The following XKR5 variants were observed in gnomAD, a reference collection of about 807,000 sequenced individuals.
The protein encoded by XKR5 is XK-related protein 5.
A neutral mutation model predicts 40.8 loss-of-function variants in XKR5; 46 were observed. That is an observed-to-expected ratio of 1.13 (90% CI 0.89 to 1.44). The LOEUF (loss-of-function observed/expected upper bound fraction) is 1.44, where lower values mean the gene tolerates loss of function less well. XKR5 is among the 40% of genes most tolerant of loss of function. The pLI is 0.00. For missense variants in XKR5, 1,169 were observed against 844.7 expected (o/e 1.38, Z -4.76); for synonymous variants, 466 against 356.1 (o/e 1.31, Z -3.48).
chr8:6,823,521 C>T lies in XKR5; in HGVS notation c.637G>A (p.Gly213Ser). ...TGACCAGATCATTAGCTCAGCTCACCTGCAACCACAAAAACCCAAAAGTGG... is the reference window on the plus strand; with the variant it reads ...TGACCAGATCATTAGCTCAGCTCACTTGCAACCACAAAAACCCAAAAGTGG... ...AYHFWVFVVA[G>S]AHWLVMTFWL... Residue 213 changes from glycine (G) to serine (S), a missense_variant and splice_region_variant, in exon 4 of 7, where the codon GGT (glycine) becomes AGT (serine). Physicochemically the swap from Gly to Ser is moderately conservative, Grantham distance 56. Transcript: ENST00000618742. The T allele has an allele frequency of 6.3e-7, 1 of 1,581,998 alleles. No individual in the cohort carries two copies. Among genetic ancestry groups the T allele is most frequent in the Non-Finnish European group, 8.6e-7 (1 of 1,163,706 alleles).
chr8:6,814,975 G>T (rs944611179), intron 6 of XKR5, among the ~76,000 whole-genome samples: 3 of 152,250 alleles, frequency 2.0e-5, no homozygotes, highest in African/African-American at 7.2e-5. Context: ...CCTCTTCAGG[G>T]TGTGGGTGAC....
intron 5 of XKR5, among the ~76,000 whole-genome samples, chr8:6,819,087 G>T (rs1587169764): frequency 6.6e-6 from 1 of 152,246 alleles, no homozygotes; most frequent in Non-Finnish European, 1.5e-5. Flanking sequence ...CTTCTTGAAG[G>T]GATGTGGGGG....
rs551602035 is a variant in XKR5 at position 6,829,995 on chromosome 8, G to A, written c.242+2722C>T. Among the ~76,000 whole-genome samples, 22 of 151,800 alleles carry A rather than the reference G, an allele frequency of 1.4e-4. No homozygotes were observed. The East Asian group carries it at 3.5e-3, about 24-fold the overall frequency. On this transcript the variant is annotated intron_variant, in intron 2 of 6. Transcript: ENST00000618742. The stretch of plus-strand genomic sequence containing the variant: ...TGGGACTACAGGCGCCCGCCACCAC[G>A]CCCGGCTAATTTTTTGTATTTTTAG...
chr8:6,832,420 A>G (rs1804811821), intron 2 of XKR5, among the ~76,000 whole-genome samples: 1 of 152,212 alleles, frequency 6.6e-6, no homozygotes, highest in Non-Finnish European at 1.5e-5. Context: ...TATGGAACTA[A>G]CGGCTCAACC....
rs560739488 is a variant in XKR5, at chr8:6,830,694, A to G, written c.242+2023T>C. 2.2e-4 allele frequency among the ~76,000 whole-genome samples: 34 copies of G among 152,344 alleles called. 1 individual carries two copies. The South Asian group carries it at 6.2e-3, about 28-fold the overall frequency. On this transcript the variant is annotated intron_variant, in intron 2 of 6. Coordinates refer to ENST00000618742, the MANE Select transcript of XKR5 (RefSeq NM_207411.5). ...TCTTAACTTCTTTTTCAAAACAAGA[A>G]TAAATATATATGACTAATGGTTTTT... is the stretch of plus-strand genomic sequence containing the variant.
intron 3 of XKR5, among the ~76,000 whole-genome samples, chr8:6,824,777 C>A (rs1458760647): frequency 6.6e-6 from 1 of 152,182 alleles, no homozygotes; most frequent in Non-Finnish European, 1.5e-5. Context: ...CCCACCTCAG[C>A]TTCCCAAAGT....
intron 5 of XKR5, among the ~76,000 whole-genome samples, chr8:6,819,285 C>T (rs899073118): frequency 3.9e-5 from 6 of 152,168 alleles, no homozygotes; most frequent in African/African-American, 7.2e-5. Flanking sequence ...GCTGGGGCTG[C>T]GTGGGTCCCG....
In XKR5 at chr8:6,812,216, G is replaced by T. The variant is rs989105301; in HGVS notation, c.1043C>A (p.Pro348His). ...GGDKTERRDS[P>H]RATDLAGKRT... ...CTTCCCAGCTAGATCTGTGGCCCGG[G>T]GAGAATCTCTTCTCTCTGTTTTATC... Residue 348 changes from proline to histidine, a missense_variant, in exon 7 of 7, where the codon CCC (proline) becomes CAC (histidine). By Grantham distance (77) the Pro-to-His change is moderately conservative. Transcript: ENST00000618742. 6.4e-6 allele frequency: 10 copies of T among 1,551,758 alleles called. No individual in the cohort carries two copies. The African/African-American group carries it at 1.4e-4, about 21-fold the overall frequency.
chr8:6,831,871 C>T (rs1170978385), intron 2 of XKR5, among the ~76,000 whole-genome samples: 1 of 151,928 alleles, frequency 6.6e-6, no homozygotes, highest in African/African-American at 2.4e-5. Flanking sequence ...AAAAATTAGC[C>T]GGGCATGGTG....
At chr8:6,821,171 T>C (rs1804210674) in intron 5 of XKR5, among the ~76,000 whole-genome samples, 2 of 152,170 alleles carry the variant, frequency 1.3e-5, no homozygotes, top group South Asian at 4.1e-4. Flanking sequence ...GCAAGTTTTT[T>C]CTGACTCTAA....
At chr8:6,814,795 T>C (rs550897755) in intron 6 of XKR5, among the ~76,000 whole-genome samples, 3 of 152,270 alleles carry the variant, frequency 2.0e-5, no homozygotes, top group African/African-American at 7.2e-5. Context: ...CTCAAATGCT[T>C]GTTACGAAGC....
intron 6 of XKR5, among the ~76,000 whole-genome samples, chr8:6,812,847 C>G (rs946997405): frequency 2.0e-5 from 3 of 152,210 alleles, no homozygotes; most frequent in Non-Finnish European, 4.4e-5. Context: ...TCAGATTCAT[C>G]AAAAACCCCA....
Position 6,810,821 on chromosome 8 carries a change from C to CTAAT in XKR5, c.*373_*376dup, listed in dbSNP as rs1215219698. 4 of 171,178 alleles carry CTAAT rather than the reference C, an allele frequency of 2.3e-5. No homozygotes were observed. The South Asian group carries it at 6.9e-4, about 29-fold the overall frequency. 10.6% of individuals were successfully genotyped at this position (171,178 alleles called of 1,614,324 possible). A position where few individuals can be genotyped will look rare whatever the true frequency, so the allele number is the denominator to read the frequency against. On this transcript the variant is annotated 3_prime_UTR_variant, in exon 7 of 7. Transcript: ENST00000618742. Reference sequence around the variant, plus strand: ...CATAACCGCTAAATGTGAGGCAAAGCTAATTGTAACAAGAACCTCAAATAA... The same window carrying CTAAT: ...CATAACCGCTAAATGTGAGGCAAAGCTAATTAATTGTAACAAGAACCTCAAATAA...
rs922340556 is a variant in XKR5 at position 6,830,039 on chromosome 8, G to A, written c.242+2678C>T. 4.0e-5 allele frequency among the ~76,000 whole-genome samples: 6 copies of A among 151,774 alleles called. No homozygotes were observed. In the East Asian group the frequency reaches 7.8e-4, roughly 20 times the overall value. On this transcript the variant is annotated intron_variant, in intron 2 of 6. Transcript: ENST00000618742. ...TTTTTAGTAGAGACGGGGTTTCACC[G>A]TGTTAGCCAGGATGGTCTGGATCTC...
rs546016791 is a variant in XKR5, at chr8:6,834,662, A to G, written c.58+774T>C. Among the ~76,000 whole-genome samples, 9 of 151,982 alleles carry G rather than the reference A, an allele frequency of 5.9e-5. No homozygotes were observed. In the South Asian group the frequency reaches 1.9e-3, roughly 31 times the overall value. On this transcript the variant is annotated intron_variant, in intron 1 of 6. Transcript: ENST00000618742. ...GGAAAAGTCCCAAGGCGGCGTTCCC[A>G]GGGTACCCCCTCTTCCACCCCAGGG...
intron 5 of XKR5, 115 bp from the exon 6 acceptor site, chr8:6,816,033 G>C: frequency 2.8e-6 from 2 of 725,132 alleles, no homozygotes; most frequent in South Asian, 3.5e-5. Flanking sequence ...GCCCACTGGA[G>C]ACTCCAGGCT....
chr8:6,815,446 T>TA (rs931277358), intron 6 of XKR5, among the ~76,000 whole-genome samples: 55 of 152,228 alleles, frequency 3.6e-4, no homozygotes, highest in Middle Eastern at 6.8e-3. Flanking sequence ...GGTGCTTGTC[T>TA]ATGGGCTGCA....
At position 6,815,838 on chromosome 8, in the gene XKR5, G is replaced by A; in HGVS notation, c.888C>T (p.Thr296=). Residue 296 remains threonine, a synonymous_variant, in exon 6 of 7, where the codon ACC becomes ACT. Transcript: ENST00000618742. The part of the protein sequence containing the change: ...LQGASWTSLQ[T]IAGVLSGFLI... ...GAAATCCAGACAGGACCCCAGCTAT[G>A]GTCTGCAGGCTGGTCCACGATGCCC... 2 of 1,605,210 alleles carry A rather than the reference G, an allele frequency of 1.2e-6. No individual in the cohort carries two copies. The highest frequency in any genetic ancestry group is 2.2e-5 in the South Asian group (2 of 89,058).
At chr8:6,834,923 A>G (rs1302039678) in intron 1 of XKR5, among the ~76,000 whole-genome samples, 4 of 152,092 alleles carry the variant, frequency 2.6e-5, no homozygotes, top group Admixed American at 2.6e-4. Flanking sequence ...GGCCGCGTGG[A>G]TGCGGAGCCC....
Sources: allele counts gnomAD v4.1 joint callset (sites outside exome capture counted in the v4.1 genomes callset), GRCh38; gene constraint gnomAD v4.1.1; transcripts MANE v1.5; gene names NCBI Gene and HGNC (gene_info 2026-07-23, HGNC 2026-07-21).